The following DDAH1 variants were observed in gnomAD, a reference collection of about 807,000 sequenced individuals.
The protein encoded by DDAH1 is N(G),N(G)-dimethylarginine dimethylaminohydrolase 1.
In DDAH1, 19 loss-of-function variants were observed where a neutral mutation model predicts 28.8. The observed-to-expected ratio is 0.66, with a 90% confidence interval of 0.46 to 0.97. DDAH1 has a LOEUF of 0.97. Ranked by LOEUF, DDAH1 falls within the 50% of genes least tolerant of loss-of-function variation. DDAH1 has a pLI of 0.00. For missense variants in DDAH1, 326 were observed against 375.9 expected (o/e 0.87, Z 1.10); for synonymous variants, 153 against 154.4 (o/e 0.99, Z 0.07).
chr1:85,510,527 A>G (rs1023495533), intron 1 of DDAH1, among the ~76,000 whole-genome samples: 1 of 152,184 alleles, frequency 6.6e-6, no homozygotes, highest in Non-Finnish European at 1.5e-5. Flanking sequence ...AATGGACTAA[A>G]TGCCCCAATT....
At chr1:85,325,347 A>G (rs960301341) in intron 4 of DDAH1, among the ~76,000 whole-genome samples, 11 of 139,716 alleles carry the variant, frequency 7.9e-5, no homozygotes, top group Admixed American at 1.4e-4. Flanking sequence ...GTGTGCATGC[A>G]CGTGCGTGCG....
intron 1 of DDAH1, among the ~76,000 whole-genome samples, chr1:85,501,104 T>C (rs966963187): frequency 6.6e-6 from 1 of 152,222 alleles, no homozygotes; most frequent in Admixed American, 6.5e-5. Context: ...GTCATGCCTC[T>C]TCACATATCT....
intron 1 of DDAH1, among the ~76,000 whole-genome samples, chr1:85,563,047 C>T (rs1252351206): frequency 6.6e-6 from 1 of 152,136 alleles, no homozygotes; most frequent in South Asian, 2.1e-4. Flanking sequence ...GGAAATAAGA[C>T]AAGACCTACA....
chr1:85,490,898 A>G (rs12081722), intron 2 of DDAH1, among the ~76,000 whole-genome samples: 5,355 of 152,280 alleles, frequency 0.035, 179 homozygotes, highest in African/African-American at 0.087. Flanking sequence ...TCAGCCAGAC[A>G]TTCTGAGATT....
At chr1:85,467,970 A>G (rs1320168453), upstream of DDAH1, among the ~76,000 whole-genome samples, 2 of 152,198 alleles carry the variant, frequency 1.3e-5, no homozygotes, top group East Asian at 1.9e-4. Flanking sequence ...AGAGAGATCT[A>G]TCTCTATGGT....
At chr1:85,551,002 G>C (rs1490662456) in intron 1 of DDAH1, among the ~76,000 whole-genome samples, 3 of 152,208 alleles carry the variant, frequency 2.0e-5, no homozygotes, top group Non-Finnish European at 2.9e-5. Context: ...TGCCCACGGA[G>C]CATTCTTCAG....
In DDAH1 at chr1:85,465,067, G is replaced by C. The variant is rs191616432; in HGVS notation, c.-22C>G. The C allele has an allele frequency of 2.4e-3, 2,963 of 1,227,312 alleles. 54 individuals carry two copies. The African/African-American group carries it at 0.043, about 18-fold the overall frequency. 76.0% of individuals were successfully genotyped at this position (1,227,312 alleles called of 1,614,324 possible). ...CCATGGCTTCGGGAGGCTTAGGGGC[G>C]GCGGCGGCGGCGGAGGCGGCCGGGT... On this transcript the variant is annotated 5_prime_UTR_variant, in exon 1 of 6. Transcript: ENST00000284031.
intron 1 of DDAH1, chr1:85,379,717 T>C (rs1650875937): frequency 1.0e-6 from 1 of 985,086 alleles, no homozygotes. Context: ...AACTTATCTA[T>C]TTCCCAAACC....
intron 1 of DDAH1, among the ~76,000 whole-genome samples, chr1:85,504,735 G>T (rs1298965028): frequency 1.3e-5 from 2 of 152,030 alleles, no homozygotes; most frequent in Non-Finnish European, 2.9e-5. Flanking sequence ...ACGCTAAAAA[G>T]CATGAGAACC....
chr1:85,455,333 A>C (rs1293186308), intron 1 of DDAH1, among the ~76,000 whole-genome samples: 1 of 152,186 alleles, frequency 6.6e-6, no homozygotes, highest in African/African-American at 2.4e-5. Flanking sequence ...CATTAATTTC[A>C]CCTTTTTCAA....
intron 1 of DDAH1, among the ~76,000 whole-genome samples, chr1:85,516,111 C>T (rs1161399148): frequency 6.6e-6 from 1 of 151,420 alleles, no homozygotes; most frequent in African/African-American, 2.4e-5. Flanking sequence ...CTCATTCTAC[C>T]TTAACGACCT....
intron 2 of DDAH1, among the ~76,000 whole-genome samples, chr1:85,487,118 C>A (rs955321930): frequency 4.6e-5 from 7 of 152,114 alleles, no homozygotes; most frequent in Non-Finnish European, 1.0e-4. Context: ...AGAAATTAAC[C>A]CTCTTCAAAT....
chr1:85,467,340 A>C (rs1345215827), upstream of DDAH1: 1 of 152,208 alleles, frequency 6.6e-6, no homozygotes, highest in Non-Finnish European at 1.5e-5. Flanking sequence ...CCTGAGTCTA[A>C]CTATGAACAG....
intron 1 of DDAH1, among the ~76,000 whole-genome samples, chr1:85,542,216 A>G (rs1361466294): frequency 6.6e-6 from 1 of 152,206 alleles, no homozygotes; most frequent in Non-Finnish European, 1.5e-5. Flanking sequence ...GGGAATGCCT[A>G]TAAGAAGCTG....
At chr1:85,474,471 T>C (rs933744779) in intron 2 of DDAH1, among the ~76,000 whole-genome samples, 3 of 152,104 alleles carry the variant, frequency 2.0e-5, no homozygotes, top group African/African-American at 7.2e-5. Flanking sequence ...CTGTGCATGG[T>C]TTCCCATTTC....
chr1:85,507,240 C>T (rs758741473), intron 1 of DDAH1, among the ~76,000 whole-genome samples: 2 of 152,138 alleles, frequency 1.3e-5, no homozygotes, highest in African/African-American at 4.8e-5. Context: ...CGCAGTGGCT[C>T]ATGCCTGTAA....
intron 1 of DDAH1, among the ~76,000 whole-genome samples, chr1:85,527,899 CTG>C (rs1467112822): frequency 6.6e-6 from 1 of 152,076 alleles, no homozygotes; most frequent in Non-Finnish European, 1.5e-5. Flanking sequence ...GGGTAGATGT[CTG>C]TATGCATGTA....
intron 2 of DDAH1, among the ~76,000 whole-genome samples, chr1:85,476,360 G>A (rs1405882579): frequency 6.6e-6 from 1 of 152,196 alleles, no homozygotes; most frequent in Non-Finnish European, 1.5e-5. Flanking sequence ...TTGTGGATTA[G>A]GAATTGGGGA....
chr1:85,364,345 T>C (rs1421814260), intron 1 of DDAH1, among the ~76,000 whole-genome samples: 1 of 152,174 alleles, frequency 6.6e-6, no homozygotes, highest in African/African-American at 2.4e-5. Flanking sequence ...ATATCAGAGA[T>C]AAATGAAATT....
Sources: gnomAD v4.1 joint callset for allele counts (sites outside exome capture counted in the v4.1 genomes callset) on GRCh38, gnomAD v4.1.1 for gene constraint, MANE v1.5 for transcripts, NCBI Gene and HGNC (gene_info 2026-07-23, HGNC 2026-07-21) for gene names.